Variants in FCHSD2 observed in about 807,000 individuals in gnomAD.
FCHSD2 encodes the protein FCH and double SH3 domains 2.
FCHSD2 carries 38 observed loss-of-function variants against 108.1 expected under a neutral mutation model. That is an observed-to-expected ratio of 0.35 (90% CI 0.27 to 0.46). The LOEUF is 0.46. Ranked by LOEUF, FCHSD2 falls within the 20% of genes least tolerant of loss-of-function variation. FCHSD2 has a pLI of 1.00. For missense variants in FCHSD2, 751 were observed against 897.8 expected, an observed-to-expected ratio of 0.84 and a Z score of 2.09; for synonymous variants, 279 against 314.7, an observed-to-expected ratio of 0.89 and a Z score of 1.20.
chr11:73,035,752 C>A (rs1240036175), intron 3 of FCHSD2, among the ~76,000 whole-genome samples: 1 of 150,540 alleles, frequency 6.6e-6, no homozygotes, highest in African/African-American at 2.5e-5. Context: ...GATGGAGTCT[C>A]GCTCTGTCAC....
chr11:73,031,636 G>A (rs1346050991), intron 3 of FCHSD2, among the ~76,000 whole-genome samples: 2 of 152,094 alleles, frequency 1.3e-5, no homozygotes, highest in African/African-American at 4.8e-5. Context: ...TATCCTATTA[G>A]AATCTGACCA....
chr11:73,138,101 A>T (rs573134037), intron 2 of FCHSD2, among the ~76,000 whole-genome samples: 3 of 152,220 alleles, frequency 2.0e-5, no homozygotes, highest in Non-Finnish European at 4.4e-5. Context: ...ATACAAACTA[A>T]GCAACAGCAA....
chr11:72,913,835 CA>C (rs71458287), intron 9 of FCHSD2, among the ~76,000 whole-genome samples: 2 of 145,706 alleles, frequency 1.4e-5, no homozygotes, highest in African/African-American at 5.1e-5. Context: ...AAAAAAAAAA[CA>C]AAAAAAAAAA....
chr11:73,002,731 C>T (rs1857651363), intron 4 of FCHSD2, among the ~76,000 whole-genome samples: 1 of 152,158 alleles, frequency 6.6e-6, no homozygotes, highest in Non-Finnish European at 1.5e-5. Flanking sequence ...TAGCTGTTTG[C>T]CCTTCCAGTC....
intron 8 of FCHSD2, chr11:72,941,031 T>C (rs1856406762): frequency 4.2e-6 from 3 of 720,754 alleles, no homozygotes; most frequent in Admixed American, 3.6e-5. Flanking sequence ...GAAAGGACCG[T>C]ATGTTCCACC....
chr11:72,839,243 G>T (rs556194744), intron 19 of FCHSD2, among the ~76,000 whole-genome samples: 1 of 152,316 alleles, frequency 6.6e-6, no homozygotes, highest in East Asian at 1.9e-4. Flanking sequence ...GAGAAGGCTA[G>T]AAAGGTAGGC....
chr11:73,073,448 T>C (rs1369783497), intron 3 of FCHSD2, among the ~76,000 whole-genome samples: 1 of 152,264 alleles, frequency 6.6e-6, no homozygotes, highest in Non-Finnish European at 1.5e-5. Context: ...TGCAATATTA[T>C]TTTCTTTCTT....
At chr11:73,018,622 A>G (rs948485752) in intron 3 of FCHSD2, among the ~76,000 whole-genome samples, 3 of 151,280 alleles carry the variant, frequency 2.0e-5, no homozygotes, top group African/African-American at 4.9e-5. Context: ...TGCCACCTAC[A>G]TTACTCTGTT....
intron 3 of FCHSD2, among the ~76,000 whole-genome samples, chr11:73,077,112 A>G (rs1199300399): frequency 6.7e-6 from 1 of 150,258 alleles, no homozygotes; most frequent in African/African-American, 2.4e-5. Flanking sequence ...AAAAAAAAAA[A>G]AGAAAAAGAA....
chr11:73,094,477 C>A (rs888946234), intron 2 of FCHSD2, among the ~76,000 whole-genome samples: 2 of 152,176 alleles, frequency 1.3e-5, no homozygotes, highest in Non-Finnish European at 2.9e-5. Flanking sequence ...TTTATACCAT[C>A]TTTAGTCATA....
intron 12 of FCHSD2, among the ~76,000 whole-genome samples, chr11:72,884,558 T>C (rs1235521721): frequency 6.8e-6 from 1 of 146,390 alleles, no homozygotes; most frequent in Non-Finnish European, 1.5e-5. Context: ...ATATAGTTTA[T>C]ATATATGATG....
intron 6 of FCHSD2, among the ~76,000 whole-genome samples, chr11:72,986,759 G>C (rs1471299754): frequency 1.3e-5 from 2 of 152,046 alleles, no homozygotes; most frequent in East Asian, 3.9e-4. Flanking sequence ...TATTAAGGTA[G>C]GTATTAGTGA....
chr11:72,943,089 T>A (rs1487331477), intron 8 of FCHSD2, among the ~76,000 whole-genome samples: 2 of 152,172 alleles, frequency 1.3e-5, no homozygotes, highest in Non-Finnish European at 2.9e-5. Flanking sequence ...CCTCCCGGGT[T>A]CAAGTGATTC....
intron 10 of FCHSD2, among the ~76,000 whole-genome samples, chr11:72,892,390 A>G (rs984972506): frequency 6.6e-6 from 1 of 152,194 alleles, no homozygotes; most frequent in Admixed American, 6.5e-5. Context: ...AACTCAAATT[A>G]ATTTATCCTT....
chr11:72,838,738 CA>C lies in FCHSD2; in HGVS notation c.*52del, dbSNP rs1860809683. 2.7e-6 allele frequency: 4 copies of C among 1,488,012 alleles called. No homozygotes were observed. In the African/African-American group the frequency reaches 5.5e-5, roughly 21 times the overall value. 92.2% of individuals were successfully genotyped at this position (1,488,012 alleles called of 1,614,324 possible). ...AAGGTGCCTAAAAAACAAGACTGGC[CA>C]AACTCCAAGCCTGGCCTTGATTGTA... On this transcript the variant is annotated 3_prime_UTR_variant, in exon 20 of 20. Transcript: ENST00000409418.
At chr11:72,867,172 G>A (rs1467851807) in intron 13 of FCHSD2, among the ~76,000 whole-genome samples, 1 of 152,184 alleles carries the variant, frequency 6.6e-6, no homozygotes, top group Non-Finnish European at 1.5e-5. Context: ...GTGGGGAGGT[G>A]ACAGTAGGAA....
intron 4 of FCHSD2, among the ~76,000 whole-genome samples, chr11:73,002,419 G>A (rs780318994): frequency 6.6e-4 from 100 of 152,124 alleles, no homozygotes; most frequent in Non-Finnish European, 1.3e-3. Flanking sequence ...GCAGCAAAAC[G>A]AATGCTCTCC....
At chr11:72,908,273 G>A (rs189818767) in intron 9 of FCHSD2, among the ~76,000 whole-genome samples, 2 of 152,064 alleles carry the variant, frequency 1.3e-5, no homozygotes, top group South Asian at 2.1e-4. Context: ...TTCTCTATCC[G>A]TTCATCTGTT....
intron 5 of FCHSD2, among the ~76,000 whole-genome samples, chr11:72,997,741 T>C (rs779883580): frequency 6.6e-5 from 10 of 152,178 alleles, no homozygotes; most frequent in Non-Finnish European, 1.3e-4. Context: ...CCCTCTGTCA[T>C]CCAGGCTGGA....
Sources: allele counts gnomAD v4.1 joint callset (sites outside exome capture counted in the v4.1 genomes callset), GRCh38; gene constraint gnomAD v4.1.1; transcripts MANE v1.5; gene names NCBI Gene and HGNC (gene_info 2026-07-23, HGNC 2026-07-21).